FBXL16: variants seen among roughly 807,000 people sequenced by gnomAD.
The protein encoded by FBXL16 is F-box and leucine rich repeat protein 16, also known as F-box/LRR-repeat protein 16.
FBXL16 carries 7 observed loss-of-function variants against 36.7 expected under a neutral mutation model. The observed-to-expected ratio is 0.19, with a 90% CI of 0.11 to 0.36. FBXL16 has a LOEUF of 0.36. Ranked by LOEUF, FBXL16 falls within the 10% of genes least tolerant of loss-of-function variation. The pLI, the probability that FBXL16 is intolerant of heterozygous loss-of-function variation, is 1.00. For missense variants in FBXL16, 463 were observed against 659.4 expected (o/e 0.70, Z 3.26); for synonymous variants, 355 against 308.7 (o/e 1.15, Z -1.57).
rs773077964 is a variant in FBXL16 at position 694,267 on chromosome 16, G to T, written c.*8C>A. On this transcript the variant is annotated 3_prime_UTR_variant, in exon 6 of 6. Coordinates refer to ENST00000397621, the MANE Select transcript of FBXL16 (RefSeq NM_153350.4). Reference sequence around the variant, plus strand: ...CCGGGTTCCCGCGACCGGGGCGGGGGCCTCGCGCTACTCAATGACGAGGCA... The same window carrying T: ...CCGGGTTCCCGCGACCGGGGCGGGGTCCTCGCGCTACTCAATGACGAGGCA... The T allele has an allele frequency of 5.1e-6, 7 of 1,375,878 alleles. No homozygotes were observed. In the Admixed American group the frequency reaches 1.6e-4, roughly 31 times the overall value. 85.2% of individuals were successfully genotyped at this position (1,375,878 alleles called of 1,614,324 possible).
Position 695,016 on chromosome 16 carries a change from G to C in FBXL16, c.1203C>G (p.Ser401Arg). Reference sequence around the variant, plus strand: ...CCTGGCAGCACCATCGCAGGTAGAGGCTGCGGAGGGACGACATGGTGGACA... The same window carrying C: ...CCTGGCAGCACCATCGCAGGTAGAGCCTGCGGAGGGACGACATGGTGGACA... ...SYLSTMSSLR[S>R]LYLRWCCQVQ... Residue 401 changes from serine to arginine, a missense_variant, in exon 4 of 6, where the codon AGC becomes AGG. Transcript: ENST00000397621. 6.4e-7 allele frequency: 1 copy of C among 1,564,948 alleles called. No individual in the cohort carries two copies.
intron 1 of FBXL16, among the ~76,000 whole-genome samples, chr16:700,399 C>T (rs1298742732): frequency 1.3e-5 from 2 of 152,128 alleles, no homozygotes; most frequent in Non-Finnish European, 2.9e-5. Flanking sequence ...GATCAGAAGG[C>T]GCGGCCTCCG....
At chr16:696,347 G>A (rs79784113) in intron 2 of FBXL16, among the ~76,000 whole-genome samples, 3,643 of 152,088 alleles carry the variant, frequency 0.024, 158 homozygotes, top group African/African-American at 0.083. Flanking sequence ...TGTACCCCCC[G>A]CCTCCCGGGT....
In FBXL16 at chr16:695,827, T is replaced by C; in HGVS notation, c.730A>G (p.Ile244Val). The C allele has an allele frequency of 4.4e-6, 7 of 1,609,136 alleles. No homozygotes were observed. The highest frequency in any genetic ancestry group is 5.9e-6 in the Non-Finnish European group (7 of 1,178,336). The stretch of plus-strand genomic sequence containing the variant: ...CAGTCACTCACGCTCAGCGAGGTGA[T>C]GCGCGCGCTCAGGCTGGACCACAGC... ...AGLWSSLSAR[I>V]TSLSVSDCIN... The change falls in exon 3 of 6, where the codon ATC (isoleucine) becomes GTC (valine). Residue 244 changes from isoleucine to valine, a missense_variant. Around this residue, in one of 3 missense-constraint regions of FBXL16, gnomAD observed 263 missense variants for 341.1 expected, o/e 0.77. Transcript: ENST00000397621.
In FBXL16 at chr16:692,548, T is replaced by C. The variant is rs1306733069; in HGVS notation, c.*1727A>G. 6.6e-6 allele frequency: 1 copy of C among 152,416 alleles called. No individual in the cohort carries two copies. The highest frequency in any genetic ancestry group is 1.5e-5 in the Non-Finnish European group (1 of 68,038). The allele number at this position is 152,416 out of a possible 1,614,324, so 9.4% of individuals were successfully genotyped here. A position where few individuals can be genotyped will look rare whatever the true frequency, so the allele number is the denominator to read the frequency against. On this transcript the variant is annotated 3_prime_UTR_variant, in exon 6 of 6. Coordinates refer to ENST00000397621, the MANE Select transcript of FBXL16 (RefSeq NM_153350.4). ...ATATTTTTATAAACAGGTCACGTGATAAAATAGCACAAGAAACACTTACCA... is the reference window on the plus strand; with the variant it reads ...ATATTTTTATAAACAGGTCACGTGACAAAATAGCACAAGAAACACTTACCA...
In FBXL16 at chr16:694,712, G is replaced by A; in HGVS notation, c.1228-15C>T. ...AAGTCTTGCACCTGTCGGGAGTGGA[G>A]GAGCGACTTAACGATTTCCGCTCGC... On this transcript the variant is annotated splice_polypyrimidine_tract_variant and intron_variant, in intron 4 of 5. Coordinates refer to ENST00000397621, the MANE Select transcript of FBXL16 (RefSeq NM_153350.4). 6.3e-7 allele frequency: 1 copy of A among 1,598,016 alleles called. No homozygotes were observed. Among genetic ancestry groups the A allele is most frequent in the Non-Finnish European group, 8.5e-7 (1 of 1,172,374 alleles).
chr16:693,102 A>C lies in FBXL16; in HGVS notation c.*1173T>G, dbSNP rs2039983043. ...TGCCAGCATCCCCCAGGACTTCCAA[A>C]TGTCTCGGGCCGACAGAGCACGGTC... On this transcript the variant is annotated 3_prime_UTR_variant, in exon 6 of 6. Transcript: ENST00000397621. 1 of 140,758 alleles carries C rather than the reference A, an allele frequency of 7.1e-6. No individual in the cohort carries two copies. Among genetic ancestry groups the C allele is most frequent in the South Asian group, 2.3e-4 (1 of 4,310 alleles). The allele number at this position is 140,758 out of a possible 1,614,324, so 8.7% of individuals were successfully genotyped here.
At position 694,703 on chromosome 16, in the gene FBXL16, G is replaced by A. The variant is rs754755821; in HGVS notation, c.1228-6C>T. On this transcript the variant is annotated splice_region_variant and splice_polypyrimidine_tract_variant and intron_variant, in intron 4 of 5. Transcript: ENST00000397621. ...TTCAGCCCGAAGTCTTGCACCTGTC[G>A]GGAGTGGAGGAGCGACTTAACGATT... 1.9e-6 allele frequency: 3 copies of A among 1,601,876 alleles called. No individual in the cohort carries two copies. Among genetic ancestry groups the A allele is most frequent in the Admixed American group, 1.7e-5 (1 of 58,444 alleles).
chr16:696,109 G>T (rs2040009253), intron 2 of FBXL16, 186 bp from the exon 3 acceptor site: 4 of 835,002 alleles, frequency 4.8e-6, no homozygotes, highest in Non-Finnish European at 7.0e-6. Flanking sequence ...GTTGGCACCA[G>T]CGTTACAATT....
chr16:695,232 C>T (rs1227818665), intron 3 of FBXL16, 156 bp from the exon 4 acceptor site: 3 of 1,149,694 alleles, frequency 2.6e-6, no homozygotes, highest in Non-Finnish European at 3.6e-6. Flanking sequence ...GGACGGGGGT[C>T]CAGCCAACCC....
intron 1 of FBXL16, among the ~76,000 whole-genome samples, chr16:702,967 G>A (rs1026201636): frequency 1.3e-5 from 2 of 152,210 alleles, no homozygotes; most frequent in African/African-American, 2.4e-5. Context: ...TCCTCTGACC[G>A]GCCAGAGTCC....
intron 1 of FBXL16, among the ~76,000 whole-genome samples, chr16:702,020 G>A (rs573062769): frequency 6.6e-6 from 1 of 152,194 alleles, no homozygotes. Flanking sequence ...AGTGTGAAGC[G>A]TGTGGCCAGA....
chr16:700,529 T>C (rs1239425016), intron 1 of FBXL16, among the ~76,000 whole-genome samples: 2 of 152,234 alleles, frequency 1.3e-5, no homozygotes, highest in East Asian at 3.9e-4. Context: ...CACGAGGCTC[T>C]GAGGAGCGAA....
At chr16:700,598 C>A (rs769893666) in intron 1 of FBXL16, among the ~76,000 whole-genome samples, 8 of 152,098 alleles carry the variant, frequency 5.3e-5, no homozygotes, top group Non-Finnish European at 1.2e-4. Context: ...CTCCCAGAGC[C>A]GGGGAGAGGG....
rs1433590675 is a variant in FBXL16, at chr16:695,743, C to T, written c.814G>A (p.Glu272Lys). 1.2e-6 allele frequency: 2 copies of T among 1,603,386 alleles called. No individual in the cohort carries two copies. Among genetic ancestry groups the T allele is most frequent in the Non-Finnish European group, 1.7e-6 (2 of 1,177,810 alleles). The change falls in exon 3 of 6, where the codon GAG becomes AAG. Residue 272 changes from glutamate (E) to lysine (K), a missense_variant. Coordinates refer to ENST00000397621, the MANE Select transcript of FBXL16 (RefSeq NM_153350.4). Reference protein sequence around the residue: ...AISQLLPNLAELSLQAYHVTD... With the variant: ...AISQLLPNLAKLSLQAYHVTD... ...ACGTGGTAGGCCTGCAGGCTCAGCT[C>T]CGCCAGGTTGGGCAGCAGCTGCGAG... is the stretch of plus-strand genomic sequence containing the variant.
rs1299657385 is a variant in FBXL16 at position 697,310 on chromosome 16, C to T, written c.96G>A (p.Ala32=). Residue 32 remains alanine (A), a synonymous_variant, in exon 2 of 6, where the codon GCG becomes GCA. Transcript: ENST00000397621. This position sits in a 1 kb window ranked among gnomAD's most constrained non-coding sequence, Gnocchi z 4.6. The stretch of plus-strand genomic sequence containing the variant: ...CTGGCGTGCCCTTGGTGATGCTGGC[C>T]GCACCCAGGCCGTTGGGCTGGCCCG... The part of the protein sequence containing the change: ...KLPGQPNGLG[A]ASITKGTPAT... The T allele has an allele frequency of 1.5e-5, 23 of 1,534,286 alleles. No homozygotes were observed. Among genetic ancestry groups the T allele is most frequent in the Admixed American group, 3.9e-5 (2 of 50,890 alleles).
intron 1 of FBXL16, among the ~76,000 whole-genome samples, chr16:702,311 G>A (rs1229273256): frequency 6.6e-6 from 1 of 152,126 alleles, no homozygotes; most frequent in Non-Finnish European, 1.5e-5. Context: ...AGCCCTGCAA[G>A]CTCTTCTCCT....
At chr16:704,570 T>C (rs1480882757) in intron 1 of FBXL16, among the ~76,000 whole-genome samples, 3 of 152,164 alleles carry the variant, frequency 2.0e-5, no homozygotes, top group Non-Finnish European at 4.4e-5. Flanking sequence ...AACCCTTCAG[T>C]CTCCTGGCCT....
rs1195899343 is a variant in FBXL16, at chr16:695,858, C to G, written c.699G>C (p.Glu233Asp). The G allele has an allele frequency of 4.4e-6, 7 of 1,603,714 alleles. No individual in the cohort carries two copies. In the Admixed American group the frequency reaches 1.2e-4, roughly 27 times the overall value. The change falls in exon 3 of 6, where the codon GAG (glutamate) becomes GAC (aspartate). Residue 233 changes from glutamate (E) to aspartate (D), a missense_variant. By Grantham distance (45) the Glu-to-Asp change is conservative (BLOSUM62 2). This residue lies in a region of FBXL16 where 263 missense variants were observed against 341.1 expected (regional missense o/e 0.77). Transcript: ENST00000397621. ...CGCTCAGGCTGGACCACAGCCCGGC[C>G]TCGGTGAAGTCGTTGCAGCCCGACA... ...LELSGCNDFT[E>D]AGLWSSLSAR...
Sources: allele counts gnomAD v4.1 joint callset (sites outside exome capture counted in the v4.1 genomes callset), GRCh38; gene constraint gnomAD v4.1.1; regional missense constraint gnomAD v4.1.1; non-coding constraint Gnocchi (gnomAD v3.1); transcripts MANE v1.5; gene names NCBI Gene and HGNC (gene_info 2026-07-23, HGNC 2026-07-21).